Variants in FRY observed in about 807,000 individuals in gnomAD.
The protein encoded by FRY is protein furry homolog.
Under a neutral mutation model 348.4 loss-of-function variants are expected in FRY, and 128 were observed. The observed-to-expected ratio is 0.37, with a 90% CI of 0.32 to 0.43. FRY has a LOEUF of 0.43. FRY is among the 20% of genes least tolerant of loss of function. FRY has a pLI of 1.00. For synonymous variants in FRY, 1,370 were observed against 1,374.7 expected, an observed-to-expected ratio of 1.00 and a Z score of 0.08; for missense variants, 2,736 against 3,695.2, an observed-to-expected ratio of 0.74 and a Z score of 6.73.
intron 58 of FRY, 43 bp from the exon 59 acceptor site, chr13:32,289,590 C>A: frequency 1.7e-6 from 2 of 1,194,740 alleles, no homozygotes; most frequent in Non-Finnish European, 2.5e-6. Context: ...TGTGAATGAT[C>A]TTTAACAATA....
chr13:32,136,926 T>C lies in FRY; in HGVS notation c.1133T>C (p.Leu378Pro). The change falls in exon 11 of 61, where the codon CTG becomes CCG. Residue 378 changes from leucine to proline, a missense_variant. By Grantham distance (98) the Leu-to-Pro change is moderately conservative (BLOSUM62 -3). Around this residue, in one of 9 missense-constraint regions of FRY, gnomAD observed 191 missense variants for 370.2 expected, o/e 0.52. Coordinates refer to ENST00000542859, the MANE Select transcript of FRY (RefSeq NM_023037.3). ...LLCVSQKQLF[L>P]NRWHIFLNNC... ...TGTGTCAGTCAGAAGCAGCTGTTCC[T>C]GAACAGGTGGCACATTTTCCTCAAC... 1 of 1,610,816 alleles carries C rather than the reference T, an allele frequency of 6.2e-7. No homozygotes were observed. Among genetic ancestry groups the C allele is most frequent in the Non-Finnish European group, 8.5e-7 (1 of 1,176,974 alleles).
intron 27 of FRY, 92 bp from the exon 28 acceptor site, chr13:32,187,454 T>C (rs1195162669): frequency 2.9e-5 from 23 of 786,278 alleles, no homozygotes; most frequent in South Asian, 2.8e-4. Flanking sequence ...TTATCATTTA[T>C]AATTCTGACA....
chr13:32,190,017 C>T (rs1199256804), intron 28 of FRY, among the ~76,000 whole-genome samples: 1 of 151,874 alleles, frequency 6.6e-6, no homozygotes, highest in African/African-American at 2.4e-5. Context: ...TCTGTCAGTT[C>T]ATTCACATAT....
At chr13:32,217,087 T>G (rs956005798) in intron 35 of FRY, among the ~76,000 whole-genome samples, 6 of 152,166 alleles carry the variant, frequency 3.9e-5, no homozygotes, top group African/African-American at 1.4e-4. Flanking sequence ...TCTCCACACA[T>G]TAGTAAGGAC....
intron 17 of FRY, among the ~76,000 whole-genome samples, chr13:32,169,441 A>G (rs1881931310): frequency 6.6e-6 from 1 of 152,214 alleles, no homozygotes; most frequent in Admixed American, 6.5e-5. Flanking sequence ...CGACAGGTTT[A>G]TGGAATGCAG....
At chr13:32,136,669 C>G (rs1380672906) in intron 10 of FRY, among the ~76,000 whole-genome samples, 1 of 152,220 alleles carries the variant, frequency 6.6e-6, no homozygotes, top group East Asian at 1.9e-4. Context: ...CTTGGTTATT[C>G]CATCCCCAGC....
intron 1 of FRY, among the ~76,000 whole-genome samples, chr13:32,042,078 A>T (rs1289706871): frequency 6.6e-6 from 1 of 152,224 alleles, no homozygotes; most frequent in African/African-American, 2.4e-5. Flanking sequence ...TTTGTTAACC[A>T]TGTCAATCCT....
chr13:32,237,488 G>T lies in FRY; in HGVS notation c.5920G>T (p.Glu1974Ter). 6.2e-7 allele frequency: 1 copy of T among 1,614,020 alleles called. No individual in the cohort carries two copies. Among genetic ancestry groups the T allele is most frequent in the African/African-American group, 1.3e-5 (1 of 74,996 alleles). The change falls in exon 44 of 61, where the codon GAA becomes TAA. Residue 1974 changes from glutamate to a stop codon, truncating the protein, a stop_gained. Coordinates refer to ENST00000542859, the MANE Select transcript of FRY (RefSeq NM_023037.3). LOFTEE classifies it high-confidence loss of function. This position sits in a 1 kb window ranked among gnomAD's most constrained non-coding sequence, Gnocchi z 6.3. ...CACCAGCGGCAACACCGCAACTGCC[G>T]AACGGAGCCGGCATCAACGAAGCTT... The part of the protein sequence containing the change: ...GTTSGNTATA[E>*]RSRHQRSFSV...
chr13:32,173,991 C>CAA (rs1882238010), intron 19 of FRY, among the ~76,000 whole-genome samples: 1 of 152,148 alleles, frequency 6.6e-6, no homozygotes, highest in African/African-American at 2.4e-5. Context: ...AATGGCATCA[C>CAA]AAAAAACACG....
intron 11 of FRY, among the ~76,000 whole-genome samples, chr13:32,146,928 A>G (rs1408950173): frequency 2.6e-5 from 4 of 152,212 alleles, no homozygotes; most frequent in Non-Finnish European, 5.9e-5. Flanking sequence ...AAAAGGACAT[A>G]ATCAACAATA....
chr13:32,138,311 T>C (rs1879848780), intron 11 of FRY, among the ~76,000 whole-genome samples: 1 of 152,322 alleles, frequency 6.6e-6, no homozygotes, highest in East Asian at 1.9e-4. Flanking sequence ...AGGGGAATTA[T>C]TGAGAGTGCT....
chr13:32,239,180 A>G lies in FRY; in HGVS notation c.6419-72A>G, dbSNP rs1886375626. Reference sequence around the variant, plus strand: ...CATCACCTCAGTATAAAAATCTGTAACATGCCTTCCCACTGTTAACAGCTA... The same window carrying G: ...CATCACCTCAGTATAAAAATCTGTAGCATGCCTTCCCACTGTTAACAGCTA... On this transcript the variant is annotated intron_variant, in intron 44 of 60. Coordinates refer to ENST00000542859, the MANE Select transcript of FRY (RefSeq NM_023037.3). This position sits in a 1 kb window ranked among gnomAD's most constrained non-coding sequence, Gnocchi z 4.3. The G allele has an allele frequency of 4.2e-6, 4 of 951,652 alleles. No homozygotes were observed. The Admixed American group carries it at 6.8e-5, about 16-fold the overall frequency. The allele number at this position is 951,652 out of a possible 1,614,324, so 59.0% of individuals were successfully genotyped here.
chr13:32,286,995 TAA>T (rs965923723), intron 58 of FRY, among the ~76,000 whole-genome samples: 4 of 139,156 alleles, frequency 2.9e-5, no homozygotes, highest in Non-Finnish European at 3.1e-5. Flanking sequence ...CCATCTCTAC[TAA>T]AAAAAAAAAA....
At chr13:32,285,433 G>C (rs1888997518) in intron 58 of FRY, among the ~76,000 whole-genome samples, 2 of 152,154 alleles carry the variant, frequency 1.3e-5, no homozygotes, top group African/African-American at 2.4e-5. Context: ...AGAATCCTGA[G>C]AACTGGCATT....
intron 16 of FRY, among the ~76,000 whole-genome samples, chr13:32,159,851 G>A (rs1881340378): frequency 6.6e-6 from 1 of 152,190 alleles, no homozygotes; most frequent in African/African-American, 2.4e-5. Context: ...CAGCTATTGA[G>A]GATATCTGAA....
At chr13:32,077,263 A>G (rs1242731058) in intron 1 of FRY, among the ~76,000 whole-genome samples, 1 of 152,208 alleles carries the variant, frequency 6.6e-6, no homozygotes, top group Non-Finnish European at 1.5e-5. Flanking sequence ...AGTTTTGAGC[A>G]GAAAAGTGTT....
chr13:32,148,623 C>T (rs1880605632), intron 13 of FRY, among the ~76,000 whole-genome samples: 1 of 152,214 alleles, frequency 6.6e-6, no homozygotes, highest in South Asian at 2.1e-4. Flanking sequence ...TCCAGTCCAG[C>T]CTCTGCCATG....
Position 32,295,524 on chromosome 13 carries a change from T to G in FRY, c.*64T>G. ...TGCTGCCATGCTGGGGCAACGTCATTCAGTGTCTTCTCGGCCTTCAAAAGG... is the reference window on the plus strand; with the variant it reads ...TGCTGCCATGCTGGGGCAACGTCATGCAGTGTCTTCTCGGCCTTCAAAAGG... On this transcript the variant is annotated 3_prime_UTR_variant, in exon 61 of 61. Transcript: ENST00000542859. 3 of 1,482,428 alleles carry G rather than the reference T, an allele frequency of 2.0e-6. No individual in the cohort carries two copies. The highest frequency in any genetic ancestry group is 2.8e-6 in the Non-Finnish European group (3 of 1,070,120). 91.8% of individuals were successfully genotyped at this position (1,482,428 alleles called of 1,614,324 possible). A position where few individuals can be genotyped will look rare whatever the true frequency, so the allele number is the denominator to read the frequency against.
At chr13:32,057,845 A>C (rs1041223562) in intron 1 of FRY, among the ~76,000 whole-genome samples, 3 of 152,160 alleles carry the variant, frequency 2.0e-5, no homozygotes, top group African/African-American at 7.2e-5. Flanking sequence ...CTGTAGTCCC[A>C]GCTACTCGGG....
Sources: allele counts gnomAD v4.1 joint callset (sites outside exome capture counted in the v4.1 genomes callset), GRCh38; gene constraint gnomAD v4.1.1; regional missense constraint gnomAD v4.1.1; non-coding constraint Gnocchi (gnomAD v3.1); transcripts MANE v1.5; gene names NCBI Gene and HGNC (gene_info 2026-07-23, HGNC 2026-07-21).